AFG2A: variants seen among roughly 807,000 people sequenced by gnomAD.
AFG2A encodes ATPase family gene 2 protein homolog A.
chr4:123,028,083 ATTC>A, the AFG2A span: 1 of 945,330 alleles, frequency 1.1e-6, no homozygotes. Context: ...AAATGGTTCT[ATTC>A]TTTTTTGCAG....
At chr4:122,969,313 A>T in the AFG2A span, among the ~76,000 whole-genome samples, 10 of 151,346 alleles carry the variant, frequency 6.6e-5, no homozygotes, top group African/African-American at 2.2e-4. Flanking sequence ...TTTCATATAG[A>T]TGTGTTATAC....
the AFG2A span, among the ~76,000 whole-genome samples, chr4:122,981,544 C>A: frequency 2.2e-5 from 3 of 139,070 alleles, no homozygotes; most frequent in South Asian, 6.9e-4. Flanking sequence ...GGTTGCTTTT[C>A]ATATTTTAGA....
At chr4:123,091,670 CATTAA>C in the AFG2A span, among the ~76,000 whole-genome samples, 3 of 152,162 alleles carry the variant, frequency 2.0e-5, no homozygotes, top group African/African-American at 7.2e-5. Flanking sequence ...CAGGCTGTCA[CATTAA>C]ATTAAGTAGT....
chr4:122,947,511 A>T, the AFG2A span: 3 of 1,558,390 alleles, frequency 1.9e-6, no homozygotes, highest in African/African-American at 4.1e-5. Context: ...TGCTATGGTG[A>T]GTCTCTATTG....
chr4:123,261,136 T>G, the AFG2A span, among the ~76,000 whole-genome samples: 1 of 152,164 alleles, frequency 6.6e-6, no homozygotes, highest in Non-Finnish European at 1.5e-5. Context: ...CAGTCCCTGG[T>G]CCCAAAAATG....
At chr4:122,937,703 A>C in the AFG2A span, among the ~76,000 whole-genome samples, 1 of 152,170 alleles carries the variant, frequency 6.6e-6, no homozygotes, top group Non-Finnish European at 1.5e-5. Flanking sequence ...AGAATTGATC[A>C]TCTTGCAAGT....
At chr4:123,078,158 CTA>C in the AFG2A span, among the ~76,000 whole-genome samples, 1 of 151,908 alleles carries the variant, frequency 6.6e-6, no homozygotes, top group Non-Finnish European at 1.5e-5. Context: ...TTTTTTTTCT[CTA>C]TGTGCACCTG....
At chr4:123,181,549 G>A in the AFG2A span, among the ~76,000 whole-genome samples, 1 of 152,144 alleles carries the variant, frequency 6.6e-6, no homozygotes, top group Admixed American at 6.5e-5. Context: ...TGGGATCAAG[G>A]CTGAGATTGT....
chr4:123,001,654 C>T, the AFG2A span, among the ~76,000 whole-genome samples: 6,100 of 151,862 alleles, frequency 0.04, 374 homozygotes, highest in African/African-American at 0.14. Context: ...TTTGATTGCA[C>T]TGTGGTCTGA....
At chr4:123,121,730 T>C in the AFG2A span, among the ~76,000 whole-genome samples, 4 of 152,158 alleles carry the variant, frequency 2.6e-5, no homozygotes, top group African/African-American at 9.7e-5. Flanking sequence ...AATGACAAAA[T>C]CACTTAAGGA....
At chr4:122,995,753 G>T in the AFG2A span, among the ~76,000 whole-genome samples, 1 of 152,156 alleles carries the variant, frequency 6.6e-6, no homozygotes, top group Admixed American at 6.5e-5. Context: ...TAGAAATAAT[G>T]TTGAAGTTGT....
chr4:123,078,354 A>G, the AFG2A span, among the ~76,000 whole-genome samples: 1 of 152,192 alleles, frequency 6.6e-6, no homozygotes, highest in African/African-American at 2.4e-5. Flanking sequence ...GTCAAGGAAT[A>G]AAAGACTGTA....
chr4:122,959,725 A>C, the AFG2A span, among the ~76,000 whole-genome samples: 1 of 152,208 alleles, frequency 6.6e-6, no homozygotes, highest in Non-Finnish European at 1.5e-5. Context: ...GTGTTTGTGT[A>C]GATTGTACAT....
chr4:123,316,247 C>A, the AFG2A span: 1 of 152,126 alleles, frequency 6.6e-6, no homozygotes. Context: ...ATACAATAAC[C>A]ACTAATTGTA....
chr4:123,298,584 A>T, the AFG2A span, among the ~76,000 whole-genome samples: 1 of 152,180 alleles, frequency 6.6e-6, no homozygotes, highest in Non-Finnish European at 1.5e-5. Flanking sequence ...AATTTAGTCT[A>T]CCTTGCTCAG....
chr4:123,253,758 G>A, the AFG2A span, among the ~76,000 whole-genome samples: 1 of 152,184 alleles, frequency 6.6e-6, no homozygotes, highest in African/African-American at 2.4e-5. Flanking sequence ...TTGTTATGAT[G>A]TGGTGGGTTT....
the AFG2A span, among the ~76,000 whole-genome samples, chr4:123,111,575 G>T: frequency 6.6e-6 from 1 of 152,062 alleles, no homozygotes; most frequent in Non-Finnish European, 1.5e-5. Context: ...GTCTTATCAT[G>T]AATTTATTTT....
chr4:123,122,578 C>G, the AFG2A span, among the ~76,000 whole-genome samples: 1 of 152,164 alleles, frequency 6.6e-6, no homozygotes, highest in Non-Finnish European at 1.5e-5. Context: ...ACTCCAAAGT[C>G]AAATCATTGT....
At chr4:122,954,086 T>C in the AFG2A span, among the ~76,000 whole-genome samples, 2 of 152,186 alleles carry the variant, frequency 1.3e-5, no homozygotes, top group African/African-American at 4.8e-5. Flanking sequence ...AAAGGAGATA[T>C]GGGGATACTG....
Sources: allele counts gnomAD v4.1 joint callset (sites outside exome capture counted in the v4.1 genomes callset), GRCh38; gene constraint gnomAD v4.1.1; transcripts MANE v1.5; gene names NCBI Gene and HGNC (gene_info 2026-07-23, HGNC 2026-07-21).